Variants in CELF2 observed in about 807,000 individuals in gnomAD.
The protein encoded by CELF2 is CUG triplet repeat RNA-binding protein 2.
A neutral mutation model predicts 62.6 loss-of-function variants in CELF2; 8 were observed. The ratio of observed to expected loss-of-function variants is 0.13; its 90% CI spans 0.07 to 0.23. The LOEUF is 0.23. Among genes scored for constraint, CELF2 ranks in the 10% least tolerant of loss-of-function variants. The pLI is 1.00. For synonymous variants in CELF2, 258 were observed against 250.0 expected (o/e 1.03, Z -0.30); for missense variants, 333 against 671.0 (o/e 0.50, Z 5.56).
At chr10:11,259,086 G>A (rs1250446413) in intron 5 of CELF2, among the ~76,000 whole-genome samples, 1 of 152,250 alleles carries the variant, frequency 6.6e-6, no homozygotes, top group Non-Finnish European at 1.5e-5. Context: ...TGGGGCAAAT[G>A]AGGAACTTGG....
chr10:10,495,358 A>G, the CELF2 span, among the ~76,000 whole-genome samples: 1 of 152,228 alleles, frequency 6.6e-6, no homozygotes, highest in Non-Finnish European at 1.5e-5. Flanking sequence ...GCTGTGAGTC[A>G]TATCTTTGAA....
chr10:10,893,748 C>T (rs144784784), intron 1 of CELF2, among the ~76,000 whole-genome samples: 58 of 152,212 alleles, frequency 3.8e-4, no homozygotes, highest in African/African-American at 1.3e-3. Flanking sequence ...GAGCAAGAGA[C>T]GGACGAGGGA....
Position 11,011,542 on chromosome 10 carries a change from T to C in CELF2, c.53+6102T>C, listed in dbSNP as rs2056465985. ...CAGACCCTAATGTCATTTACATCTC[T>C]CCTCTTCTCTTACCTGCCCTATTCC... is the stretch of plus-strand genomic sequence containing the variant. On this transcript the variant is annotated intron_variant, in intron 1 of 12. Coordinates refer to the CELF2 transcript ENST00000416382. The surrounding 1 kb of genome is among the most constrained non-coding windows in gnomAD (Gnocchi z 4.6). 6.6e-6 allele frequency among the ~76,000 whole-genome samples: 1 copy of C among 152,064 alleles called. No individual in the cohort carries two copies. Among genetic ancestry groups the C allele is most frequent in the African/African-American group, 2.4e-5 (1 of 41,400 alleles).
At chr10:10,552,718 C>A in the CELF2 span, among the ~76,000 whole-genome samples, 31 of 152,258 alleles carry the variant, frequency 2.0e-4, no homozygotes, top group East Asian at 5.8e-3. Flanking sequence ...CCATGGGGAG[C>A]ATTTGGTATT....
intron 3 of CELF2, among the ~76,000 whole-genome samples, chr10:11,239,121 C>G (rs1002556545): frequency 1.3e-5 from 2 of 152,172 alleles, no homozygotes; most frequent in Admixed American, 6.5e-5. Context: ...ATCACCATAA[C>G]AGACTCCAAA....
chr10:10,761,751 A>C, the CELF2 span, among the ~76,000 whole-genome samples: 1 of 152,188 alleles, frequency 6.6e-6, no homozygotes, highest in Non-Finnish European at 1.5e-5. Context: ...GCTGGCTTCC[A>C]GACTGGAACA....
intron 1 of CELF2, among the ~76,000 whole-genome samples, chr10:10,852,484 A>G (rs367976611): frequency 2.6e-5 from 4 of 152,210 alleles, no homozygotes; most frequent in African/African-American, 4.8e-5. Flanking sequence ...ATAAAAGGAC[A>G]GCATGAGGAA....
rs1385996500 is a variant in CELF2 at position 11,285,879 on chromosome 10, T to TGTGTG, written c.842-2539_842-2538insGTGTG. Reference sequence around the variant, plus strand: ...TGTGTGTGTGTGTGTGTGTGTGTGTTTTTACATGGACTTGAAAATGAGTAA... The same window carrying TGTGTG: ...TGTGTGTGTGTGTGTGTGTGTGTGTTGTGTGTTTACATGGACTTGAAAATGAGTAA... On this transcript the variant is annotated intron_variant, in intron 8 of 12. Transcript: ENST00000633077. This position sits in a 1 kb window ranked among gnomAD's most constrained non-coding sequence, Gnocchi z 4.3. Among the ~76,000 whole-genome samples the TGTGTG allele has an allele frequency of 0.024, 2,632 of 107,992 alleles. 76 individuals are homozygous for TGTGTG. Among genetic ancestry groups the TGTGTG allele is most frequent in the East Asian group, 0.053 (210 of 3,968 alleles). 70.8% of individuals were successfully genotyped at this position (107,992 alleles called of 152,430 possible).
At chr10:10,867,723 A>G (rs1028671975) in intron 1 of CELF2, among the ~76,000 whole-genome samples, 6 of 152,212 alleles carry the variant, frequency 3.9e-5, no homozygotes, top group Non-Finnish European at 7.3e-5. Context: ...GCAATCCAAG[A>G]TCAATCCAGT....
chr10:11,061,420 C>G (rs1176966989), intron 1 of CELF2, among the ~76,000 whole-genome samples: 2 of 152,180 alleles, frequency 1.3e-5, no homozygotes, highest in Non-Finnish European at 1.5e-5. Context: ...GAAGCCATCT[C>G]CATAGCATAG....
intron 1 of CELF2, among the ~76,000 whole-genome samples, chr10:11,049,344 G>A (rs1455953252): frequency 6.6e-6 from 1 of 151,666 alleles, no homozygotes; most frequent in Non-Finnish European, 1.5e-5. Context: ...GTGGTCCAGT[G>A]TGGTGAATCC....
At position 11,247,527 on chromosome 10, in the gene CELF2, G is replaced by T. The variant is rs965541373; in HGVS notation, c.355-1626G>T. 6.6e-6 allele frequency among the ~76,000 whole-genome samples: 1 copy of T among 152,168 alleles called. No individual in the cohort carries two copies. The highest frequency in any genetic ancestry group is 1.5e-5 in the Non-Finnish European group (1 of 68,026). ...TGCCTCTCCCCACATGCTTGCCAGG[G>T]TGCTTACCGGCTGAGGGCTCAGTGT... On this transcript the variant is annotated intron_variant, in intron 3 of 12. Coordinates refer to ENST00000633077, the MANE Select transcript of CELF2 (RefSeq NM_001326342.2). This position sits in a 1 kb window ranked among gnomAD's most constrained non-coding sequence, Gnocchi z 5.4.
At position 11,334,465 on chromosome 10, in the gene CELF2, A is replaced by C. The variant is rs187874995; in HGVS notation, c.*5412A>C. ...TCTGTTTTTTTCTCTATGTTGTGTAAAAAGATACAGTCGATTCCACTTAAG... is the reference window on the plus strand; with the variant it reads ...TCTGTTTTTTTCTCTATGTTGTGTACAAAGATACAGTCGATTCCACTTAAG... On this transcript the variant is annotated 3_prime_UTR_variant, in exon 13 of 13. Coordinates refer to ENST00000633077, the MANE Select transcript of CELF2 (RefSeq NM_001326342.2). 3.3e-4 allele frequency: 50 copies of C among 152,730 alleles called. No homozygotes were observed. The highest frequency in any genetic ancestry group is 1.1e-3 in the African/African-American group (44 of 41,558). 9.5% of individuals were successfully genotyped at this position (152,730 alleles called of 1,614,324 possible).
chr10:10,924,528 C>T (rs2065262340), intron 2 of CELF2, among the ~76,000 whole-genome samples: 1 of 151,988 alleles, frequency 6.6e-6, no homozygotes, highest in African/African-American at 2.4e-5. Flanking sequence ...TTAAACACAG[C>T]ACCGAAAAGT....
chr10:10,992,493 A>G (rs1004858767), intron 2 of CELF2, among the ~76,000 whole-genome samples: 1 of 152,218 alleles, frequency 6.6e-6, no homozygotes, highest in African/African-American at 2.4e-5. Flanking sequence ...CTATTGTACT[A>G]TAAGGTCATA....
chr10:10,996,170 G>T (rs1432530243), intron 2 of CELF2, among the ~76,000 whole-genome samples: 4 of 152,128 alleles, frequency 2.6e-5, no homozygotes, highest in Non-Finnish European at 5.9e-5. Flanking sequence ...TTGTGCTGTT[G>T]CTTTTCTGGA....
chr10:10,716,657 A>G, the CELF2 span, among the ~76,000 whole-genome samples: 13 of 152,220 alleles, frequency 8.5e-5, no homozygotes, highest in African/African-American at 3.1e-4. Flanking sequence ...CTATCAGTTT[A>G]TGGTCATGTT....
intron 2 of CELF2, among the ~76,000 whole-genome samples, chr10:11,205,728 T>C (rs1279012859): frequency 6.6e-6 from 1 of 152,178 alleles, no homozygotes; most frequent in African/African-American, 2.4e-5. Context: ...AAAAGTGAAT[T>C]TCTTAAATGA....
chr10:10,886,992 G>T (rs541524267), intron 1 of CELF2, among the ~76,000 whole-genome samples: 2 of 152,310 alleles, frequency 1.3e-5, no homozygotes, highest in South Asian at 4.1e-4. Context: ...TTTTGCCTGG[G>T]TGTCACAGCT....
Sources: gnomAD v4.1 joint callset for allele counts (sites outside exome capture counted in the v4.1 genomes callset) on GRCh38, gnomAD v4.1.1 for gene constraint, Gnocchi (gnomAD v3.1) non-coding constraint, MANE v1.5 for transcripts, NCBI Gene and HGNC (gene_info 2026-07-23, HGNC 2026-07-21) for gene names.